COL25A1: variants seen among roughly 807,000 people sequenced by gnomAD.
COL25A1 encodes collagen alpha-1(XXV) chain.
Under a neutral mutation model 128.4 loss-of-function variants are expected in COL25A1, and 103 were observed. The ratio of observed to expected loss-of-function variants is 0.80; its 90% confidence interval spans 0.68 to 0.94. The LOEUF (loss-of-function observed/expected upper bound fraction) is 0.94, where lower values mean the gene tolerates loss of function less well. COL25A1 is among the 40% of genes least tolerant of loss of function. The pLI is 0.00. For missense variants in COL25A1, 745 were observed against 840.0 expected (o/e 0.89, Z 1.40); for synonymous variants, 279 against 277.2 (o/e 1.01, Z -0.06).
rs62325962 is a variant in COL25A1, at chr4:109,280,765, G to C, written c.367+19818C>G. Among the ~76,000 whole-genome samples the C allele has an allele frequency of 6.5e-3, 982 of 151,786 alleles. 7 individuals are homozygous for C. The highest frequency in any genetic ancestry group is 8.2e-3 in the Admixed American group (125 of 15,252). On this transcript the variant is annotated intron_variant, in intron 3 of 37. Transcript: ENST00000399132. ...TCTCCTGAGTTCAAGTGATTCTCCTGCCTCAGCCTCCCAAGTACTACAGGC... is the reference window on the plus strand; with the variant it reads ...TCTCCTGAGTTCAAGTGATTCTCCTCCCTCAGCCTCCCAAGTACTACAGGC...
intron 3 of COL25A1, among the ~76,000 whole-genome samples, chr4:109,218,356 G>GTTTTTTT (rs796441649): frequency 7.0e-5 from 7 of 100,472 alleles, no homozygotes; most frequent in African/African-American, 2.9e-4. Flanking sequence ...GGTTTTTTGG[G>GTTTTTTT]GTTTTTTTTT....
At chr4:108,867,704 C>T (rs1006560298) in intron 20 of COL25A1, among the ~76,000 whole-genome samples, 7 of 152,206 alleles carry the variant, frequency 4.6e-5, no homozygotes, top group African/African-American at 1.4e-4. Context: ...GAATGCAGTA[C>T]ACATTGAGGC....
At chr4:108,868,606 AAAAG>A (rs61280631) in intron 20 of COL25A1, among the ~76,000 whole-genome samples, 1,794 of 147,058 alleles carry the variant, frequency 0.012, 36 homozygotes, top group East Asian at 0.057. Context: ...GAAAGAAAGA[AAAAG>A]AAAGAAAGAA....
At chr4:109,157,419 T>C (rs965053500) in intron 3 of COL25A1, among the ~76,000 whole-genome samples, 10 of 152,144 alleles carry the variant, frequency 6.6e-5, no homozygotes, top group Non-Finnish European at 1.5e-4. Flanking sequence ...GAGAGGCAAG[T>C]TGTTCCATAA....
At chr4:109,141,157 T>C (rs1206957927) in intron 3 of COL25A1, among the ~76,000 whole-genome samples, 1 of 152,220 alleles carries the variant, frequency 6.6e-6, no homozygotes, top group Admixed American at 6.5e-5. Flanking sequence ...TGTTGAATTT[T>C]ATTGAAGGCG....
intron 6 of COL25A1, among the ~76,000 whole-genome samples, chr4:108,984,616 C>A (rs563038267): frequency 5.9e-5 from 9 of 152,342 alleles, no homozygotes; most frequent in African/African-American, 2.2e-4. Context: ...TCACTGCCCG[C>A]GGCAGGTGGG....
At chr4:108,829,402 TC>T (rs1732795932) in intron 32 of COL25A1, among the ~76,000 whole-genome samples, 1 of 150,408 alleles carries the variant, frequency 6.6e-6, no homozygotes, top group African/African-American at 2.5e-5. Flanking sequence ...TATCTATCTA[TC>T]TATCTATCTA....
chr4:108,835,861 C>CTTTTTTTTTTTTTTT (rs1158184110), intron 31 of COL25A1, among the ~76,000 whole-genome samples: 8 of 45,720 alleles, frequency 1.7e-4, no homozygotes, highest in Non-Finnish European at 1.5e-4. Context: ...TTACATACGT[C>CTTTTTTTTTTTTTTT]TTTTTTTTTT....
chr4:108,885,921 T>C (rs923992983), intron 18 of COL25A1, among the ~76,000 whole-genome samples: 8 of 152,276 alleles, frequency 5.3e-5, no homozygotes, highest in African/African-American at 1.7e-4. Context: ...ATGAAAGGAT[T>C]GAATGATTAC....
At chr4:109,239,422 ATTTATT>A (rs1490334398) in intron 3 of COL25A1, among the ~76,000 whole-genome samples, 37 of 129,274 alleles carry the variant, frequency 2.9e-4, no homozygotes, top group African/African-American at 1.0e-3. Flanking sequence ...ATATATATAT[ATTTATT>A]TATTTATTTA....
chr4:109,180,149 T>C (rs1409992650), intron 3 of COL25A1, among the ~76,000 whole-genome samples: 1 of 152,120 alleles, frequency 6.6e-6, no homozygotes, highest in Non-Finnish European at 1.5e-5. Flanking sequence ...GAAGAAGAAA[T>C]TTAGGAAGAT....
Position 108,808,994 on chromosome 4 carries a change from G to A in COL25A1, c.*4933C>T, listed in dbSNP as rs902193882. On this transcript the variant is annotated 3_prime_UTR_variant, in exon 38 of 38. Coordinates refer to ENST00000399132, the MANE Select transcript of COL25A1 (RefSeq NM_198721.4). ...TCTTTTGATACAGTAATGTCAGCTGGAGAAATTACAAGGAAATTAAAATAA... is the reference window on the plus strand; with the variant it reads ...TCTTTTGATACAGTAATGTCAGCTGAAGAAATTACAAGGAAATTAAAATAA... The A allele has an allele frequency of 5.9e-5, 9 of 152,156 alleles. No homozygotes were observed. The highest frequency in any genetic ancestry group is 2.1e-4 in the South Asian group (1 of 4,822). 9.4% of individuals were successfully genotyped at this position (152,156 alleles called of 1,614,324 possible). A position where few individuals can be genotyped will look rare whatever the true frequency, so the allele number is the denominator to read the frequency against.
At chr4:109,095,896 G>A (rs1765355150) in intron 3 of COL25A1, among the ~76,000 whole-genome samples, 1 of 152,098 alleles carries the variant, frequency 6.6e-6, no homozygotes, top group Admixed American at 6.6e-5. Flanking sequence ...AATCACATAA[G>A]AGTAGCAAGA....
chr4:108,893,860 A>G, intron 16 of COL25A1, among the ~76,000 whole-genome samples: 1 of 152,170 alleles, frequency 6.6e-6, no homozygotes, highest in Non-Finnish European at 1.5e-5. Context: ...TTCCAATTAC[A>G]GCATTCTTGG....
intron 23 of COL25A1, among the ~76,000 whole-genome samples, chr4:108,860,112 C>A (rs974062745): frequency 6.6e-6 from 1 of 152,120 alleles, no homozygotes; most frequent in Non-Finnish European, 1.5e-5. Context: ...TCATACATTG[C>A]TTCCTCATTC....
In COL25A1 at chr4:108,985,802, A is replaced by G. The variant is rs563249158; in HGVS notation, c.439-11243T>C. Among the ~76,000 whole-genome samples the G allele has an allele frequency of 1.6e-4, 24 of 152,258 alleles. No homozygotes were observed. In the East Asian group the frequency reaches 4.6e-3, roughly 29 times the overall value. On this transcript the variant is annotated intron_variant, in intron 6 of 37. Coordinates refer to ENST00000399132, the MANE Select transcript of COL25A1 (RefSeq NM_198721.4). ...CTATGAAATATATACCCTTAAGGCT[A>G]TAACTATTACCTGACTTATGTCCTA...
At chr4:108,984,882 G>C (rs888310612) in intron 6 of COL25A1, among the ~76,000 whole-genome samples, 3 of 152,358 alleles carry the variant, frequency 2.0e-5, no homozygotes, top group Admixed American at 2.0e-4. Context: ...AGCCAGCGAC[G>C]GCTGTGAGGA....
intron 3 of COL25A1, among the ~76,000 whole-genome samples, chr4:109,189,014 T>G (rs1238045793): frequency 2.6e-5 from 4 of 152,152 alleles, no homozygotes; most frequent in Non-Finnish European, 5.9e-5. Flanking sequence ...AATGAATGTT[T>G]TCTTCAAACC....
At chr4:109,242,119 T>C (rs1053053815) in intron 3 of COL25A1, among the ~76,000 whole-genome samples, 2 of 152,054 alleles carry the variant, frequency 1.3e-5, no homozygotes, top group African/African-American at 4.8e-5. Flanking sequence ...CCCGAGGCTT[T>C]GTAAAATGGA....
Sources: gnomAD v4.1 joint callset for allele counts (sites outside exome capture counted in the v4.1 genomes callset) on GRCh38, gnomAD v4.1.1 for gene constraint, MANE v1.5 for transcripts, NCBI Gene and HGNC (gene_info 2026-07-23, HGNC 2026-07-21) for gene names.